RB1: variants seen among roughly 807,000 people sequenced by gnomAD.
The protein encoded by RB1 is RB transcriptional corepressor 1, also known as retinoblastoma-associated protein.
RB1 carries 18 observed loss-of-function variants against 135.4 expected under a neutral mutation model. That is an observed-to-expected ratio of 0.13 (90% CI 0.09 to 0.20). The LOEUF is 0.20. Ranked by LOEUF, RB1 falls within the 10% of genes least tolerant of loss-of-function variation. The pLI is 1.00. For missense variants in RB1, 868 were observed against 1,110.0 expected (o/e 0.78, Z 3.10); for synonymous variants, 365 against 373.2 (o/e 0.98, Z 0.25).
chr13:48,472,530 G>A (rs943036089), intron 23 of RB1, among the ~76,000 whole-genome samples: 5 of 152,060 alleles, frequency 3.3e-5, no homozygotes, highest in Non-Finnish European at 7.4e-5. Flanking sequence ...TTTTAATAGT[G>A]ATAATTAGTC....
chr13:48,477,102 A>C (rs973488434), intron 25 of RB1, among the ~76,000 whole-genome samples: 11 of 152,320 alleles, frequency 7.2e-5, no homozygotes, highest in Non-Finnish European at 1.6e-4. Flanking sequence ...GTTATTCTTA[A>C]CATTAAATTT....
At chr13:48,364,872 G>A (rs1185275892) in intron 8 of RB1, 22 bp from the exon 9 acceptor site, 6 of 1,547,256 alleles carry the variant, frequency 3.9e-6, no homozygotes, top group Non-Finnish European at 4.4e-6. Context: ...TAATGATCAT[G>A]TTGTAACTTC....
intron 17 of RB1, chr13:48,439,920 GT>G (rs1348133853): frequency 1.2e-4 from 19 of 152,090 alleles, no homozygotes; most frequent in Non-Finnish European, 2.6e-4. Context: ...CAGAAATATA[GT>G]TTATACTTCT....
chr13:48,478,781 G>T (rs1212595615), intron 26 of RB1, among the ~76,000 whole-genome samples: 1 of 152,154 alleles, frequency 6.6e-6, no homozygotes, highest in Non-Finnish European at 1.5e-5. Flanking sequence ...TACAATGCTG[G>T]ATTGCCCAGA....
chr13:48,315,007 G>A (rs1017118546), intron 2 of RB1, among the ~76,000 whole-genome samples: 11 of 151,742 alleles, frequency 7.2e-5, no homozygotes, highest in Admixed American at 5.2e-4. Context: ...TTGACTATTC[G>A]GGCTCTTTTT....
chr13:48,471,584 A>AAAAAAAG (rs1174146972), intron 23 of RB1, among the ~76,000 whole-genome samples: 2 of 150,368 alleles, frequency 1.3e-5, no homozygotes, highest in East Asian at 3.9e-4. Flanking sequence ...AAAAAAAAAA[A>AAAAAAAG]AAAGAAAATC....
At position 48,456,335 on chromosome 13, in the gene RB1, T is replaced by G. The variant is rs768484859; in HGVS notation, c.1946T>G (p.Leu649Arg). 1.2e-6 allele frequency: 2 copies of G among 1,614,164 alleles called. No homozygotes were observed. Among genetic ancestry groups the G allele is most frequent in the Admixed American group, 3.3e-5 (2 of 60,032 alleles). ...CCATTGAAATCTACCTCTCTTTCAC[T>G]GTTTTATAAAAAAGGTTAGTAGATG... ...QKPLKSTSLS[L>R]FYKKVYRLAY... The change falls in exon 19 of 27, where the codon CTG (leucine) becomes CGG (arginine). Residue 649 changes from leucine (L) to arginine (R), a missense_variant. By Grantham distance (102) the Leu-to-Arg change is moderately radical. Transcript: ENST00000267163.
intron 23 of RB1, 26 bp downstream of exon 23, chr13:48,465,394 A>G (rs2138346404): frequency 1.3e-6 from 2 of 1,553,154 alleles, no homozygotes; most frequent in South Asian, 1.1e-5. Context: ...TTAGGGAAGT[A>G]GTAAAGAATG....
intron 2 of RB1, chr13:48,328,545 C>T (rs868087958): frequency 2.2e-5 from 16 of 728,992 alleles, no homozygotes; most frequent in Middle Eastern, 3.7e-4. Flanking sequence ...TCTCCTCTCC[C>T]GCCTTCCCAT....
intron 2 of RB1, chr13:48,328,118 T>C: frequency 9.9e-7 from 1 of 1,011,620 alleles, no homozygotes; most frequent in Non-Finnish European, 1.6e-6. Flanking sequence ...GATGAGATTT[T>C]ATATTCCACT....
intron 3 of RB1, among the ~76,000 whole-genome samples, chr13:48,343,594 C>T (rs2138085294): frequency 6.6e-6 from 1 of 152,254 alleles, no homozygotes; most frequent in South Asian, 2.1e-4. Flanking sequence ...CTCTCCCTTC[C>T]TTGTTTTCTT....
At chr13:48,419,968 A>G (rs963923276) in intron 17 of RB1, among the ~76,000 whole-genome samples, 9 of 152,230 alleles carry the variant, frequency 5.9e-5, no homozygotes, top group Non-Finnish European at 5.9e-5. Flanking sequence ...TACAAGGAGG[A>G]GCTGGTACTA....
chr13:48,380,479 A>G (rs1383951458), intron 16 of RB1, among the ~76,000 whole-genome samples: 1 of 152,160 alleles, frequency 6.6e-6, no homozygotes, highest in Non-Finnish European at 1.5e-5. Context: ...GTATACTGGT[A>G]TACTGAATCC....
At chr13:48,324,261 A>G (rs1952265204) in intron 2 of RB1, among the ~76,000 whole-genome samples, 1 of 152,112 alleles carries the variant, frequency 6.6e-6, no homozygotes, top group South Asian at 2.1e-4. Flanking sequence ...ATTGTTAACT[A>G]TAGTCACTGT....
At chr13:48,317,223 G>A in intron 2 of RB1, 1 of 426,458 alleles carries the variant, frequency 2.3e-6, no homozygotes, top group African/African-American at 2.0e-5. Context: ...CTGCCCCCCT[G>A]GGAGACACCC....
chr13:48,448,483 T>C (rs1335432431), intron 17 of RB1, among the ~76,000 whole-genome samples: 3 of 152,222 alleles, frequency 2.0e-5, no homozygotes, highest in Admixed American at 1.3e-4. Context: ...CTATTACAGA[T>C]AATAACCCAT....
intron 1 of RB1, among the ~76,000 whole-genome samples, chr13:48,304,488 G>A (rs1469389394): frequency 6.6e-6 from 1 of 152,220 alleles, no homozygotes; most frequent in Non-Finnish European, 1.5e-5. Flanking sequence ...CAGTTGGGAA[G>A]TATTTTCTTC....
intron 17 of RB1, among the ~76,000 whole-genome samples, chr13:48,404,777 G>T (rs1948725335): frequency 6.6e-6 from 1 of 151,770 alleles, no homozygotes; most frequent in Non-Finnish European, 1.5e-5. Flanking sequence ...CGCCTGCCTC[G>T]GCCTCCCAAA....
At chr13:48,438,494 C>G (rs1022428490) in intron 17 of RB1, among the ~76,000 whole-genome samples, 3 of 151,932 alleles carry the variant, frequency 2.0e-5, no homozygotes, top group Admixed American at 6.6e-5. Flanking sequence ...TTCATGGCAC[C>G]CTGTGTATTC....
Sources: allele counts gnomAD v4.1 joint callset (sites outside exome capture counted in the v4.1 genomes callset), GRCh38; gene constraint gnomAD v4.1.1; transcripts MANE v1.5; gene names NCBI Gene and HGNC (gene_info 2026-07-23, HGNC 2026-07-21).